The following FLACC1 variants were observed in gnomAD, a reference collection of about 807,000 sequenced individuals.
FLACC1 encodes flagellum-associated coiled-coil domain-containing protein 1.
A neutral mutation model predicts 62.8 loss-of-function variants in FLACC1; 66 were observed. The ratio of observed to expected loss-of-function variants is 1.05; its 90% CI spans 0.86 to 1.29. FLACC1 has a LOEUF of 1.29. FLACC1 is among the 50% of genes most tolerant of loss of function. FLACC1 has a pLI of 0.00. For synonymous variants in FLACC1, 156 were observed against 161.0 expected (o/e 0.97, Z 0.24); for missense variants, 452 against 489.1 (o/e 0.92, Z 0.71).
intron 7 of FLACC1, among the ~76,000 whole-genome samples, chr2:201,335,858 C>A (rs531045418): frequency 4.5e-4 from 69 of 152,040 alleles, no homozygotes; most frequent in Non-Finnish European, 7.2e-4. Flanking sequence ...TTTACCGATG[C>A]TCCATAATTT....
rs771336515 is a variant in FLACC1, at chr2:201,326,182, T to C, written c.675+4288A>G. 1.4e-4 allele frequency among the ~76,000 whole-genome samples: 22 copies of C among 152,160 alleles called. No homozygotes were observed. The highest frequency in any genetic ancestry group is 4.1e-4 in the South Asian group (2 of 4,826). ...GGACCTACCTCAATAATAAAAGCCATATGTGACAAACCCACAGCCAACATC... is the reference window on the plus strand; with the variant it reads ...GGACCTACCTCAATAATAAAAGCCACATGTGACAAACCCACAGCCAACATC... On this transcript the variant is annotated intron_variant, in intron 9 of 14. Coordinates refer to ENST00000392257, the MANE Select transcript of FLACC1 (RefSeq NM_001127391.3). The surrounding 1 kb of genome is among the most constrained non-coding windows in gnomAD (Gnocchi z 4.1).
At chr2:201,324,060 T>C (rs1576447445) in intron 9 of FLACC1, among the ~76,000 whole-genome samples, 3 of 152,178 alleles carry the variant, frequency 2.0e-5, no homozygotes, top group African/African-American at 7.2e-5. Flanking sequence ...AAATACAGAA[T>C]GACAGAATGG....
chr2:201,347,918 C>G (rs1950950118), intron 4 of FLACC1, among the ~76,000 whole-genome samples: 1 of 152,200 alleles, frequency 6.6e-6, no homozygotes, highest in South Asian at 2.1e-4. Flanking sequence ...TTCGTTAGTT[C>G]CCTAGGTCAG....
intron 9 of FLACC1, among the ~76,000 whole-genome samples, chr2:201,316,518 A>G (rs558656381): frequency 8.2e-4 from 125 of 152,280 alleles, no homozygotes; most frequent in African/African-American, 2.5e-3. Flanking sequence ...GAAGAATTAG[A>G]TACCCCGAAC....
intron 9 of FLACC1, among the ~76,000 whole-genome samples, chr2:201,316,383 C>T (rs1950307877): frequency 6.6e-6 from 1 of 152,128 alleles, no homozygotes; most frequent in Admixed American, 6.5e-5. Flanking sequence ...GATATTACAA[C>T]TGACACCACA....
At chr2:201,358,843 A>G (rs2349075), upstream of FLACC1, among the ~76,000 whole-genome samples, 96,816 of 152,042 alleles carry the variant, frequency 0.64, 31,497 homozygotes, top group South Asian at 0.79. Context: ...TTACAGGTGT[A>G]AGTCACCATG....
chr2:201,330,684 T>C lies in FLACC1; in HGVS notation c.622+52A>G. Reference sequence around the variant, plus strand: ...AATCACCCTAGAAGCTTATTAGAAATGCCATTGCCTGGACCTTCATCCAGG... The same window carrying C: ...AATCACCCTAGAAGCTTATTAGAAACGCCATTGCCTGGACCTTCATCCAGG... On this transcript the variant is annotated intron_variant, in intron 8 of 14. Transcript: ENST00000392257. The C allele has an allele frequency of 1.9e-6, 3 of 1,586,862 alleles. No individual in the cohort carries two copies. The South Asian group carries it at 3.4e-5, about 18-fold the overall frequency.
chr2:201,361,115 C>A (rs754974878), upstream of FLACC1, among the ~76,000 whole-genome samples: 1 of 152,056 alleles, frequency 6.6e-6, no homozygotes, highest in Admixed American at 6.6e-5. Flanking sequence ...CAAAAACACA[C>A]GGGCCCTTGA....
intron 6 of FLACC1, among the ~76,000 whole-genome samples, chr2:201,342,970 T>C (rs948700785): frequency 6.6e-6 from 1 of 152,192 alleles, no homozygotes; most frequent in African/African-American, 2.4e-5. Flanking sequence ...CTGGCCAGTG[T>C]CTCAGGATAA....
At chr2:201,310,918 G>C (rs540561213) in intron 9 of FLACC1, among the ~76,000 whole-genome samples, 1 of 152,016 alleles carries the variant, frequency 6.6e-6, no homozygotes, top group African/African-American at 2.4e-5. Context: ...AGAAAAAAAC[G>C]ACGATCCAAA....
chr2:201,345,416 A>T (rs1046968674), intron 5 of FLACC1, among the ~76,000 whole-genome samples: 1 of 151,190 alleles, frequency 6.6e-6, no homozygotes, highest in African/African-American at 2.4e-5. Flanking sequence ...GGTTTGGTTG[A>T]ATTCTGCCAA....
At chr2:201,320,745 C>T (rs1438533889) in intron 9 of FLACC1, among the ~76,000 whole-genome samples, 2 of 152,242 alleles carry the variant, frequency 1.3e-5, no homozygotes, top group Non-Finnish European at 2.9e-5. Flanking sequence ...TTTGCCCCGT[C>T]ACCTGCCCTG....
At chr2:201,344,023 G>T in intron 6 of FLACC1, 147 bp downstream of exon 6, 1 of 646,314 alleles carries the variant, frequency 1.5e-6, no homozygotes, top group Non-Finnish European at 2.7e-6. Context: ...ACTACTGAGT[G>T]ACACAGTCCA....
intron 7 of FLACC1, among the ~76,000 whole-genome samples, chr2:201,336,668 A>G (rs957645690): frequency 6.6e-6 from 1 of 152,200 alleles, no homozygotes; most frequent in African/African-American, 2.4e-5. Context: ...CCTTTGAAGA[A>G]ATATCCAGTA....
At chr2:201,291,286 A>C (rs1023827823) in intron 12 of FLACC1, among the ~76,000 whole-genome samples, 5 of 152,206 alleles carry the variant, frequency 3.3e-5, no homozygotes, top group Non-Finnish European at 7.4e-5. Flanking sequence ...CAGTAGGGGC[A>C]GACTGACACA....
At chr2:201,330,408 C>CA in intron 9 of FLACC1, 62 bp downstream of exon 9, 1 of 1,478,726 alleles carries the variant, frequency 6.8e-7, no homozygotes, top group South Asian at 1.2e-5. Flanking sequence ...AGATTTATCC[C>CA]AATGTTAGCC....
the FLACC1 span, among the ~76,000 whole-genome samples, chr2:201,363,814 C>T: frequency 2.0e-5 from 3 of 152,178 alleles, no homozygotes; most frequent in Non-Finnish European, 4.4e-5. Context: ...TAGTTTAAGC[C>T]GCCCCCATCC....
Position 201,288,763 on chromosome 2 carries a change from C to G in FLACC1, c.1161G>C (p.Lys387Asn). The G allele has an allele frequency of 6.2e-7, 1 of 1,613,608 alleles. No homozygotes were observed. Among genetic ancestry groups the G allele is most frequent in the East Asian group, 2.2e-5 (1 of 44,874 alleles). ...AACATCCTTCACAAATTTCTTCATT[C>G]TTAGAAATTATCTTTTGCCTGTAAA... ...NIHLKQKIISKNEEICEGCSG... is the reference protein window; with the variant it reads ...NIHLKQKIISNNEEICEGCSG... Residue 387 changes from lysine to asparagine, a missense_variant, in exon 15 of 15, where the codon AAG (lysine) becomes AAC (asparagine). Transcript: ENST00000392257.
At chr2:201,357,989 C>A (rs1011514696), upstream of FLACC1, among the ~76,000 whole-genome samples, 16 of 152,048 alleles carry the variant, frequency 1.1e-4, no homozygotes, top group Admixed American at 9.8e-4. Flanking sequence ...ATTTCTTTTT[C>A]TTCTTTAAAT....
Sources: gnomAD v4.1 joint callset for allele counts (sites outside exome capture counted in the v4.1 genomes callset) on GRCh38, gnomAD v4.1.1 for gene constraint, Gnocchi (gnomAD v3.1) non-coding constraint, MANE v1.5 for transcripts, NCBI Gene and HGNC (gene_info 2026-07-23, HGNC 2026-07-21) for gene names.